CCDC73: variants seen among roughly 807,000 people sequenced by gnomAD.
The protein encoded by CCDC73 is coiled-coil domain-containing protein 73.
CCDC73 carries 95 observed loss-of-function variants against 116.5 expected under a neutral mutation model. That is an observed-to-expected ratio of 0.82 (90% CI 0.69 to 0.97). CCDC73 has a LOEUF of 0.97. CCDC73 is among the 50% of genes least tolerant of loss of function. The probability of loss-of-function intolerance (pLI) is 0.00; values close to 1 mark genes in which losing one functional copy is unlikely to be tolerated. For missense variants in CCDC73, 1,066 were observed against 1,206.8 expected (o/e 0.88, Z 1.73); for synonymous variants, 398 against 401.3 (o/e 0.99, Z 0.10).
chr11:32,641,283 C>T (rs1389430915), intron 13 of CCDC73, among the ~76,000 whole-genome samples: 2 of 151,974 alleles, frequency 1.3e-5, no homozygotes, highest in African/African-American at 4.8e-5. Flanking sequence ...ATTTAAAATG[C>T]AATTAAAATT....
chr11:32,616,315 T>C (rs1855474524), intron 14 of CCDC73, among the ~76,000 whole-genome samples, 186 bp from the exon 15 acceptor site: 1 of 152,210 alleles, frequency 6.6e-6, no homozygotes, highest in Non-Finnish European at 1.5e-5. Flanking sequence ...TTTACATTCA[T>C]TTTATATAGT....
At chr11:32,821,332 CA>C in the CCDC73 span, among the ~76,000 whole-genome samples, 2 of 151,906 alleles carry the variant, frequency 1.3e-5, no homozygotes, top group Non-Finnish European at 2.9e-5. Flanking sequence ...TAAATGTGTC[CA>C]AAAAAATCAT....
intron 9 of CCDC73, among the ~76,000 whole-genome samples, chr11:32,660,659 T>TA (rs1222073942): frequency 9.4e-5 from 14 of 149,528 alleles, no homozygotes; most frequent in East Asian, 1.9e-4. Context: ...ACCCCATCTC[T>TA]AAAAAAAAAC....
At chr11:32,653,525 T>C (rs1855845581) in intron 11 of CCDC73, among the ~76,000 whole-genome samples, 1 of 152,138 alleles carries the variant, frequency 6.6e-6, no homozygotes, top group African/African-American at 2.4e-5. Context: ...ACAGTAAATA[T>C]ATCACTACTA....
intron 2 of CCDC73, among the ~76,000 whole-genome samples, chr11:32,731,644 G>A (rs1315809704): frequency 6.6e-6 from 1 of 152,170 alleles, no homozygotes; most frequent in Non-Finnish European, 1.5e-5. Context: ...GTGATACCCA[G>A]GCAAACAGGG....
intron 13 of CCDC73, among the ~76,000 whole-genome samples, chr11:32,637,850 C>T (rs145083502): frequency 8.5e-5 from 13 of 152,264 alleles, no homozygotes; most frequent in African/African-American, 2.9e-4. Context: ...ATATCTCCTC[C>T]CCAACCTCTC....
chr11:32,684,225 A>G (rs886908025), intron 6 of CCDC73, among the ~76,000 whole-genome samples: 2 of 151,832 alleles, frequency 1.3e-5, no homozygotes, highest in African/African-American at 2.4e-5. Flanking sequence ...CTAATTTTTA[A>G]AATTTTTTCT....
chr11:32,627,106 T>C (rs915745956), intron 14 of CCDC73, among the ~76,000 whole-genome samples: 15 of 151,886 alleles, frequency 9.9e-5, no homozygotes, highest in African/African-American at 3.6e-4. Context: ...CTACAAAGAA[T>C]ACAAACAAAT....
intron 2 of CCDC73, among the ~76,000 whole-genome samples, chr11:32,744,068 T>A (rs1239318355): frequency 6.6e-6 from 1 of 152,206 alleles, no homozygotes; most frequent in Non-Finnish European, 1.5e-5. Flanking sequence ...TCTAATTATT[T>A]TGAGATACGT....
chr11:32,641,636 C>T (rs1314074150), intron 13 of CCDC73, among the ~76,000 whole-genome samples: 1 of 151,322 alleles, frequency 6.6e-6, no homozygotes, highest in African/African-American at 2.4e-5. Flanking sequence ...TACTAAAATA[C>T]TATGCAATGG....
chr11:32,654,844 C>T lies in CCDC73; in HGVS notation c.774G>A (p.Met258Ile), dbSNP rs371864349. Residue 258 changes from methionine (M) to isoleucine (I), a missense_variant and splice_region_variant, in exon 10 of 18, where the codon ATG (methionine) becomes ATA (isoleucine). Physicochemically the swap from Met to Ile is conservative, Grantham distance 10 (BLOSUM62 1). Coordinates refer to ENST00000335185, the MANE Select transcript of CCDC73 (RefSeq NM_001008391.4). ...KFQELQERLNMELELNEKINE... is the reference protein window; with the variant it reads ...KFQELQERLNIELELNEKINE... ...TAAACAAATACATTTAATAAAATAC[C>T]ATGTTGAGTCTTTCTTGAAGTTCTT... 1.4e-6 allele frequency: 2 copies of T among 1,471,688 alleles called. No individual in the cohort carries two copies. The highest frequency in any genetic ancestry group is 1.8e-6 in the Non-Finnish European group (2 of 1,082,128). The allele number at this position is 1,471,688 out of a possible 1,614,324, so 91.2% of individuals were successfully genotyped here.
the CCDC73 span, among the ~76,000 whole-genome samples, chr11:32,822,811 A>C: frequency 3.9e-5 from 6 of 152,080 alleles, no homozygotes; most frequent in African/African-American, 1.4e-4. Flanking sequence ...GAAAAAGGGA[A>C]CCTACAAACA....
At chr11:32,625,223 CTCTT>C (rs1855559854) in intron 14 of CCDC73, among the ~76,000 whole-genome samples, 1 of 152,142 alleles carries the variant, frequency 6.6e-6, no homozygotes. Flanking sequence ...TGGATCTTGA[CTCTT>C]TATCCAATTT....
chr11:32,624,349 AAAATAAAT>A (rs926488345), intron 14 of CCDC73, among the ~76,000 whole-genome samples: 1 of 151,410 alleles, frequency 6.6e-6, no homozygotes, highest in African/African-American at 2.4e-5. Context: ...AAAAAATAAA[AAAATAAAT>A]AAATAAATAA....
Position 32,602,839 on chromosome 11 carries a change from G to A in CCDC73, c.3212C>T (p.Thr1071Met), listed in dbSNP as rs186329131. ...TTTTAATCTGTTGTTTTTTTCCAACGTCTCTTCTGCTTTTCTTTTCTTTGG... is the reference window on the plus strand; with the variant it reads ...TTTTAATCTGTTGTTTTTTTCCAACATCTCTTCTGCTTTTCTTTTCTTTGG... Reference protein sequence around the residue: ...NQPKKRKAEETLEKNNRLK With the variant: ...NQPKKRKAEEMLEKNNRLK Residue 1071 changes from threonine to methionine, a missense_variant, in exon 18 of 18, where the codon ACG becomes ATG. By Grantham distance (81) the Thr-to-Met change is moderately conservative (BLOSUM62 -1). Coordinates refer to ENST00000335185, the MANE Select transcript of CCDC73 (RefSeq NM_001008391.4). 9,807 of 1,601,552 alleles carry A rather than the reference G, an allele frequency of 6.1e-3. 82 individuals are homozygous for A. The highest frequency in any genetic ancestry group is 5.8e-3 in the Non-Finnish European group (6,757 of 1,175,054).
intron 9 of CCDC73, among the ~76,000 whole-genome samples, chr11:32,675,185 T>C (rs572622204): frequency 6.6e-6 from 1 of 152,320 alleles, no homozygotes; most frequent in East Asian, 1.9e-4. Context: ...ACTCTAACTT[T>C]CGTAAAAGTA....
At chr11:32,614,971 T>G in intron 15 of CCDC73, 29 bp from the exon 16 acceptor site, 3 of 1,358,722 alleles carry the variant, frequency 2.2e-6, no homozygotes, top group Non-Finnish European at 3.0e-6. Context: ...AGTAAAATTT[T>G]ATATTATACA....
intron 12 of CCDC73, among the ~76,000 whole-genome samples, chr11:32,648,492 C>T (rs1855798511): frequency 2.0e-5 from 3 of 151,972 alleles, no homozygotes; most frequent in Admixed American, 6.6e-5. Context: ...ATGTGCCAGA[C>T]ACTGTTTTAG....
intron 9 of CCDC73, among the ~76,000 whole-genome samples, chr11:32,658,465 C>G (rs1855894014): frequency 6.6e-6 from 1 of 152,106 alleles, no homozygotes; most frequent in Non-Finnish European, 1.5e-5. Context: ...TGTTAAGAAG[C>G]AATAACAAAC....
Sources: gnomAD v4.1 joint callset for allele counts (sites outside exome capture counted in the v4.1 genomes callset) on GRCh38, gnomAD v4.1.1 for gene constraint, MANE v1.5 for transcripts, NCBI Gene and HGNC (gene_info 2026-07-23, HGNC 2026-07-21) for gene names.